SHOC1: variants seen among roughly 807,000 people sequenced by gnomAD.
SHOC1 encodes the protein shortage in chiasmata 1.
In SHOC1, 136 loss-of-function variants were observed where a neutral mutation model predicts 179.2. The observed-to-expected ratio is 0.76, with a 90% CI of 0.66 to 0.87. The LOEUF (loss-of-function observed/expected upper bound fraction) is 0.87, where lower values mean the gene tolerates loss of function less well. SHOC1 is among the 40% of genes least tolerant of loss of function. The probability of loss-of-function intolerance (pLI) is 0.00; values close to 1 mark genes in which losing one functional copy is unlikely to be tolerated. For missense variants in SHOC1, 1,538 were observed against 1,700.8 expected (o/e 0.90, Z 1.68); for synonymous variants, 489 against 586.6 (o/e 0.83, Z 2.41).
chr9:111,791,481 C>T (rs2131659100), intron 1 of SHOC1, 27 bp from the exon 2 acceptor site: 1 of 1,137,088 alleles, frequency 8.8e-7, no homozygotes, highest in Non-Finnish European at 1.2e-6. Context: ...TAAAATTAAA[C>T]ACTGGTAAAA....
chr9:111,779,114 AAG>A (rs201917801), intron 4 of SHOC1, among the ~76,000 whole-genome samples: 15 of 129,792 alleles, frequency 1.2e-4, no homozygotes, highest in African/African-American at 2.8e-4. Flanking sequence ...AAAAAAAAAA[AAG>A]AGAGAGAGAG....
At chr9:111,794,120 G>A (rs1195100609) in intron 1 of SHOC1, among the ~76,000 whole-genome samples, 4 of 151,458 alleles carry the variant, frequency 2.6e-5, no homozygotes, top group Non-Finnish European at 5.9e-5. Context: ...CCGAAGTGCT[G>A]GGATTACAGG....
rs141689214 is a variant in SHOC1 at position 111,787,366 on chromosome 9, C to T, written c.46-1331G>A. Among the ~76,000 whole-genome samples, 928 of 152,260 alleles carry T rather than the reference C, an allele frequency of 6.1e-3. 8 individuals carry two copies. The highest frequency in any genetic ancestry group is 0.01 in the Non-Finnish European group (693 of 68,012). The stretch of plus-strand genomic sequence containing the variant: ...CATTCTGGATGCCATTAAGAACATT[C>T]GTGATCATCAGAGGAGGTCAAAATA... On this transcript the variant is annotated intron_variant, in intron 2 of 27. Coordinates refer to ENST00000682961, the MANE Select transcript of SHOC1 (RefSeq NM_001378211.1).
intron 12 of SHOC1, among the ~76,000 whole-genome samples, chr9:111,730,858 A>G (rs1353491311): frequency 6.6e-6 from 1 of 152,208 alleles, no homozygotes; most frequent in Non-Finnish European, 1.5e-5. Flanking sequence ...CACTTTCTTC[A>G]AATAGAACGC....
chr9:111,695,333 C>T (rs930993627), intron 24 of SHOC1, among the ~76,000 whole-genome samples: 2 of 151,982 alleles, frequency 1.3e-5, no homozygotes, highest in African/African-American at 4.8e-5. Flanking sequence ...ACGGTTAGTA[C>T]ACACCTGGGG....
intron 18 of SHOC1, among the ~76,000 whole-genome samples, chr9:111,708,899 C>T (rs1396294305): frequency 6.6e-6 from 1 of 152,006 alleles, no homozygotes; most frequent in African/African-American, 2.4e-5. Flanking sequence ...TTTTTTCAAC[C>T]ATAAAGTTGA....
At chr9:111,718,403 G>T in intron 15 of SHOC1, 115 bp from the exon 16 acceptor site, 1 of 558,352 alleles carries the variant, frequency 1.8e-6, no homozygotes, top group South Asian at 3.3e-5. Flanking sequence ...CTTACTATAT[G>T]CCAGGCTGTA....
At chr9:111,755,192 T>C (rs562873221) in intron 8 of SHOC1, among the ~76,000 whole-genome samples, 1 of 52,310 alleles carries the variant, frequency 1.9e-5, no homozygotes, top group South Asian at 6.2e-4. Flanking sequence ...TTGTTGTCCT[T>C]TACATTTGAT....
chr9:111,754,332 T>C lies in SHOC1; in HGVS notation c.862+1993A>G, dbSNP rs140415026. Reference sequence around the variant, plus strand: ...TGAGTAGACATTTCTCCAAAGAAGATATACAAATAGCCAACAGTATGTGAA... The same window carrying C: ...TGAGTAGACATTTCTCCAAAGAAGACATACAAATAGCCAACAGTATGTGAA... On this transcript the variant is annotated intron_variant, in intron 8 of 27. Transcript: ENST00000682961. Among the ~76,000 whole-genome samples, 416 of 152,264 alleles carry C rather than the reference T, an allele frequency of 2.7e-3. 1 individual carries two copies. Among genetic ancestry groups the C allele is most frequent in the African/African-American group, 8.9e-3 (371 of 41,560 alleles).
At chr9:111,733,648 ACC>A in intron 12 of SHOC1, among the ~76,000 whole-genome samples, 1 of 152,178 alleles carries the variant, frequency 6.6e-6, no homozygotes, top group African/African-American at 2.4e-5. Flanking sequence ...CGGGCGGATC[ACC>A]TGAGGTCAGC....
In SHOC1 at chr9:111,772,200, G is replaced by A. The variant is rs928031051; in HGVS notation, c.442+3591C>T. 2.6e-5 allele frequency among the ~76,000 whole-genome samples: 4 copies of A among 152,116 alleles called. No individual in the cohort carries two copies. The South Asian group carries it at 8.3e-4, about 32-fold the overall frequency. ...TTTGGATGTTGAGAGCCTCTAATTA[G>A]TTGTTCAGCTCAGCAAACGTATTTC... is the stretch of plus-strand genomic sequence containing the variant. On this transcript the variant is annotated intron_variant, in intron 5 of 27. Transcript: ENST00000682961.
chr9:111,722,388 G>T, intron 15 of SHOC1, 21 bp downstream of exon 15: 2 of 1,559,088 alleles, frequency 1.3e-6, no homozygotes, highest in South Asian at 2.4e-5. Context: ...TTTAAATAAC[G>T]TGACTTTTAT....
In SHOC1 at chr9:111,699,970, T is replaced by C; in HGVS notation, c.3167A>G (p.Glu1056Gly). The C allele has an allele frequency of 6.2e-7, 1 of 1,606,366 alleles. No individual in the cohort carries two copies. The highest frequency in any genetic ancestry group is 8.5e-7 in the Non-Finnish European group (1 of 1,175,636). ...AAAGAATACCTTTACATCCAGTTCT[T>C]CAGAGTTTAGCCCAAATGAAACCAA... ...AALVSFGLNS[E>G]ELDVKLIIAP... The change falls in exon 24 of 28, where the codon GAA becomes GGA. Residue 1056 changes from glutamate (E) to glycine (G), a missense_variant. Transcript: ENST00000682961.
chr9:111,700,029 CTT>C lies in SHOC1; in HGVS notation c.3106_3107del (p.Lys1036AspfsTer20). On this transcript the variant is annotated frameshift_variant, in exon 24 of 28. Transcript: ENST00000682961. LOFTEE classifies it high-confidence loss of function. ...TLNSEYLLTE[K>X]TLHHLALIYA... is the part of the protein sequence containing the mutation. ...AAATCAGTGCTAGGTGATGAAGTGT[CTT>C]TTCTGTAAGCAGATACCTACAAAGA... 1 of 1,594,726 alleles carries C rather than the reference CTT, an allele frequency of 6.3e-7. No homozygotes were observed. The highest frequency in any genetic ancestry group is 8.6e-7 in the Non-Finnish European group (1 of 1,166,790).
intron 3 of SHOC1, among the ~76,000 whole-genome samples, chr9:111,783,986 G>A (rs189245407): frequency 7.5e-5 from 11 of 147,496 alleles, no homozygotes; most frequent in Admixed American, 2.7e-4. Context: ...CTAAAGCACT[G>A]AAGGACATCC....
At position 111,694,542 on chromosome 9, in the gene SHOC1, A is replaced by G. The variant is rs556601516; in HGVS notation, c.3184-180T>C. On this transcript the variant is annotated intron_variant, in intron 24 of 27. Coordinates refer to ENST00000682961, the MANE Select transcript of SHOC1 (RefSeq NM_001378211.1). ...TTATTTATGAGGATAACCAATTTTCATTCCTTATTTAAATGTGATATCCTT... is the reference window on the plus strand; with the variant it reads ...TTATTTATGAGGATAACCAATTTTCGTTCCTTATTTAAATGTGATATCCTT... 5.3e-5 allele frequency among the ~76,000 whole-genome samples: 8 copies of G among 152,198 alleles called. No individual in the cohort carries two copies. In the East Asian group the frequency reaches 1.3e-3, roughly 26 times the overall value.
At chr9:111,698,706 G>T (rs1831823223) in intron 24 of SHOC1, among the ~76,000 whole-genome samples, 1 of 152,160 alleles carries the variant, frequency 6.6e-6, no homozygotes, top group Non-Finnish European at 1.5e-5. Flanking sequence ...ACAGCTAGTG[G>T]TAAGAGAATC....
At chr9:111,724,791 G>T (rs1468449936) in intron 13 of SHOC1, among the ~76,000 whole-genome samples, 4 of 152,108 alleles carry the variant, frequency 2.6e-5, no homozygotes, top group Admixed American at 2.6e-4. Context: ...TTCTTTACTG[G>T]TACTTGCCAC....
chr9:111,791,843 CCATATTTCTCAAGTGGTCT>C (rs1836457208), intron 1 of SHOC1, among the ~76,000 whole-genome samples: 1 of 135,502 alleles, frequency 7.4e-6, no homozygotes, highest in Non-Finnish European at 1.6e-5. Context: ...TTGAGAATAA[CCATATTTCTCAAGTGGTCT>C]TGAGAATAAC....
Sources: allele counts gnomAD v4.1 joint callset (sites outside exome capture counted in the v4.1 genomes callset), GRCh38; gene constraint gnomAD v4.1.1; transcripts MANE v1.5; gene names NCBI Gene and HGNC (gene_info 2026-07-23, HGNC 2026-07-21).